SMARCA4: variants seen among roughly 807,000 people sequenced by gnomAD.
SMARCA4 encodes SWI/SNF related BAF chromatin remodeling complex subunit ATPase 4.
SMARCA4 carries 31 observed loss-of-function variants against 193.9 expected under a neutral mutation model. The observed-to-expected ratio is 0.16, with a 90% confidence interval of 0.12 to 0.22. SMARCA4 has a LOEUF of 0.22. Among genes scored for constraint, SMARCA4 ranks in the 10% least tolerant of loss-of-function variants. The pLI, the probability that SMARCA4 is intolerant of heterozygous loss-of-function variation, is 1.00. For synonymous variants in SMARCA4, 942 were observed against 933.1 expected (o/e 1.01, Z -0.17); for missense variants, 1,148 against 2,296.0 (o/e 0.50, Z 10.22).
chr19:11,010,614 G>A (rs2146243883), intron 15 of SMARCA4, 83 bp downstream of exon 15: 1 of 1,340,268 alleles, frequency 7.5e-7, no homozygotes, highest in Non-Finnish European at 1.1e-6. Context: ...CAGACCTCAG[G>A]CAGACCTGAG....
intron 15 of SMARCA4, chr19:11,010,863 C>G (rs554463470): frequency 7.6e-6 from 3 of 393,314 alleles, no homozygotes; most frequent in South Asian, 6.2e-5. Context: ...TCCTCAGCAT[C>G]GCACCGTGTG....
At chr19:11,047,393 A>G (rs1377698580) in intron 30 of SMARCA4, among the ~76,000 whole-genome samples, 4 of 145,206 alleles carry the variant, frequency 2.8e-5, no homozygotes, top group South Asian at 2.3e-4. Flanking sequence ...CAACCAGAGA[A>G]GCCTCCGTGT....
chr19:11,059,834 G>T lies in SMARCA4; in HGVS notation c.4717G>T (p.Glu1573Ter), dbSNP rs775433905. Residue 1573 changes from glutamate (E) to a stop codon, truncating the protein, a stop_gained, in exon 33 of 35, where the codon GAG (glutamate) becomes TAG (stop). Coordinates refer to ENST00000344626, the MANE Select transcript of SMARCA4 (RefSeq NM_003072.5). LOFTEE classifies it high-confidence loss of function. ...KIEKEDDSEG[E>*]ESEEEEEGEE... ...CGAGAAGGAGGATGACAGTGAAGGC[G>T]AGGAGAGTGAGGAGGAGGAAGAGGG... 1 of 1,613,792 alleles carries T rather than the reference G, an allele frequency of 6.2e-7. No homozygotes were observed. Among genetic ancestry groups the T allele is most frequent in the Non-Finnish European group, 8.5e-7 (1 of 1,179,826 alleles).
intron 21 of SMARCA4, 73 bp from the exon 22 acceptor site, chr19:11,025,349 C>T (rs1280878971): frequency 7.4e-6 from 7 of 950,182 alleles, no homozygotes; most frequent in East Asian, 2.4e-5. Context: ...CTCCCAACAC[C>T]CACCCATCCA....
At chr19:11,003,227 G>C (rs2146102901) in intron 12 of SMARCA4, 68 bp downstream of exon 12, 2 of 1,610,474 alleles carry the variant, frequency 1.2e-6, no homozygotes, top group South Asian at 2.2e-5. Flanking sequence ...TTCCAGGGAG[G>C]TGGCAGCCAG....
intron 32 of SMARCA4, among the ~76,000 whole-genome samples, chr19:11,059,460 C>T (rs1290749994): frequency 1.3e-5 from 2 of 152,250 alleles, no homozygotes; most frequent in Non-Finnish European, 2.9e-5. Context: ...TTATTGCAGA[C>T]CTCAGAGATT....
intron 1 of SMARCA4, among the ~76,000 whole-genome samples, chr19:10,972,869 G>C (rs932636812): frequency 6.6e-6 from 1 of 152,178 alleles, no homozygotes; most frequent in South Asian, 2.1e-4. Context: ...CCAGCACTTT[G>C]GGAGGCCAAA....
rs1331955543 is a variant in SMARCA4 at position 11,034,485 on chromosome 19, C to T, written c.3951+285C>T. 1.3e-5 allele frequency among the ~76,000 whole-genome samples: 2 copies of T among 152,188 alleles called. No individual in the cohort carries two copies. Among genetic ancestry groups the T allele is most frequent in the Non-Finnish European group, 1.5e-5 (1 of 68,024 alleles). Reference sequence around the variant, plus strand: ...GGCTCTCCAGGGCTTCATGCACTCCCTTTCAGAGGGAGTTCGCCCTATCCA... The same window carrying T: ...GGCTCTCCAGGGCTTCATGCACTCCTTTTCAGAGGGAGTTCGCCCTATCCA... On this transcript the variant is annotated intron_variant, in intron 28 of 34. Transcript: ENST00000344626. This position sits in a 1 kb window ranked among gnomAD's most constrained non-coding sequence, Gnocchi z 7.0.
At chr19:10,975,490 T>TA (rs1278083732) in intron 1 of SMARCA4, among the ~76,000 whole-genome samples, 6 of 151,960 alleles carry the variant, frequency 3.9e-5, no homozygotes, top group Non-Finnish European at 7.4e-5. Context: ...TTTTGTATTT[T>TA]AGTAGAGATA....
chr19:11,053,181 A>C (rs991978010), intron 30 of SMARCA4, among the ~76,000 whole-genome samples: 1 of 151,752 alleles, frequency 6.6e-6, no homozygotes, highest in African/African-American at 2.4e-5. Flanking sequence ...CGGGCGGATC[A>C]CCTGAGGTCA....
At chr19:10,996,446 C>T (rs2087053573) in intron 10 of SMARCA4, 48 bp from the exon 11 acceptor site, 1 of 1,613,464 alleles carries the variant, frequency 6.2e-7, no homozygotes. Context: ...ACGTGTGTGG[C>T]CTCAGCCTTG....
In SMARCA4 at chr19:10,996,394, G is replaced by A. The variant is rs2087045156; in HGVS notation, c.1761+14G>A. The A allele has an allele frequency of 1.2e-6, 2 of 1,614,058 alleles. No individual in the cohort carries two copies. The highest frequency in any genetic ancestry group is 2.2e-5 in the South Asian group (2 of 91,076). ...AAGAAAAAGAAGGTGTGCTGGGCCTGGCATGGTGCCCGCCGCGGGTGGGAT... is the reference window on the plus strand; with the variant it reads ...AAGAAAAAGAAGGTGTGCTGGGCCTAGCATGGTGCCCGCCGCGGGTGGGAT... On this transcript the variant is annotated intron_variant, in intron 10 of 34. Transcript: ENST00000344626.
chr19:11,009,171 G>A (rs1013228040), intron 14 of SMARCA4, among the ~76,000 whole-genome samples: 2 of 150,810 alleles, frequency 1.3e-5, no homozygotes, highest in African/African-American at 4.9e-5. Flanking sequence ...ACAGGCGCGG[G>A]CCACCACGTC....
At chr19:11,025,807 T>C (rs1047225550) in intron 22 of SMARCA4, among the ~76,000 whole-genome samples, 1 of 152,190 alleles carries the variant, frequency 6.6e-6, no homozygotes, top group African/African-American at 2.4e-5. Context: ...CTGCGTCTCT[T>C]TGGCTCACTG....
chr19:11,009,007 C>CTT (rs762148337), intron 14 of SMARCA4, among the ~76,000 whole-genome samples: 834 of 40,934 alleles, frequency 0.02, 195 homozygotes, highest in Middle Eastern at 0.12. Flanking sequence ...ATAAAAGTCA[C>CTT]TTTTTTTTTT....
In SMARCA4 at chr19:11,041,949, G is replaced by T. The variant is rs186201083; in HGVS notation, c.4424+389G>T. On this transcript the variant is annotated intron_variant, in intron 30 of 34. Coordinates refer to ENST00000344626, the MANE Select transcript of SMARCA4 (RefSeq NM_003072.5). The surrounding 1 kb of genome is among the most constrained non-coding windows in gnomAD (Gnocchi z 5.6). The stretch of plus-strand genomic sequence containing the variant: ...CCTCAAGGGATGAGGTGGGATGAGG[G>T]GTTATATGGCAGTAATGGGTGCTGC... 7.2e-5 allele frequency among the ~76,000 whole-genome samples: 11 copies of T among 152,302 alleles called. No individual in the cohort carries two copies. Among genetic ancestry groups the T allele is most frequent in the Non-Finnish European group, 1.6e-4 (11 of 68,028 alleles).
rs1568418758 is a variant in SMARCA4 at position 10,984,882 on chromosome 19, CTT to C, written c.223-388_223-387del. 6.6e-6 allele frequency among the ~76,000 whole-genome samples: 1 copy of C among 152,176 alleles called. No individual in the cohort carries two copies. The highest frequency in any genetic ancestry group is 1.5e-5 in the Non-Finnish European group (1 of 68,032). The stretch of plus-strand genomic sequence containing the variant: ...GAAGGCTCTTTATGGTCACAAGTCT[CTT>C]TTGCATGTCCCTGGATGTGGTTAGA... On this transcript the variant is annotated intron_variant, in intron 2 of 34. Coordinates refer to ENST00000344626, the MANE Select transcript of SMARCA4 (RefSeq NM_003072.5). The surrounding 1 kb of genome is among the most constrained non-coding windows in gnomAD (Gnocchi z 4.3).
intron 1 of SMARCA4, among the ~76,000 whole-genome samples, chr19:10,977,256 G>A (rs974853207): frequency 2.0e-5 from 3 of 152,110 alleles, no homozygotes; most frequent in Admixed American, 1.3e-4. Flanking sequence ...TGAGCATTGC[G>A]GGGCAGGAGT....
chr19:10,988,528 C>T (rs2086268353), intron 6 of SMARCA4, among the ~76,000 whole-genome samples: 1 of 152,158 alleles, frequency 6.6e-6, no homozygotes, highest in Non-Finnish European at 1.5e-5. Flanking sequence ...CCTTCCTCAC[C>T]CATCCCAGTC....
Sources: gnomAD v4.1 joint callset for allele counts (sites outside exome capture counted in the v4.1 genomes callset) on GRCh38, gnomAD v4.1.1 for gene constraint, Gnocchi (gnomAD v3.1) non-coding constraint, MANE v1.5 for transcripts, NCBI Gene and HGNC (gene_info 2026-07-23, HGNC 2026-07-21) for gene names.